Variants in TWSG1 observed in about 807,000 individuals in gnomAD.
TWSG1 encodes twisted gastrulation protein homolog 1.
In TWSG1, 15 loss-of-function variants were observed where a neutral mutation model predicts 23.0. That is an observed-to-expected ratio of 0.65 (90% CI 0.44 to 1.00). The LOEUF (loss-of-function observed/expected upper bound fraction) is 1.00, where lower values mean the gene tolerates loss of function less well. TWSG1 is among the 50% of genes least tolerant of loss of function. The probability of loss-of-function intolerance (pLI) is 0.00; values close to 1 mark genes in which losing one functional copy is unlikely to be tolerated. For missense variants in TWSG1, 242 were observed against 278.7 expected, an observed-to-expected ratio of 0.87 and a Z score of 0.94; for synonymous variants, 86 against 92.8, an observed-to-expected ratio of 0.93 and a Z score of 0.42.
chr18:9,369,786 C>G (rs1271098110), intron 3 of TWSG1, among the ~76,000 whole-genome samples: 1 of 152,210 alleles, frequency 6.6e-6, no homozygotes, highest in Non-Finnish European at 1.5e-5. Context: ...CCACCTCAGC[C>G]TCCCAAAGCA....
intron 3 of TWSG1, among the ~76,000 whole-genome samples, chr18:9,383,183 G>GTTTTTTTTTTTTTTTTTTTTTTTTTTTTT (rs1403740714): frequency 1.3e-5 from 1 of 75,338 alleles, no homozygotes; most frequent in African/African-American, 5.2e-5. Context: ...CGAATTACAC[G>GTTTTTTTTTTTTTTTTTTTTTTTTTTTTT]TTTTTTTTTT....
intron 3 of TWSG1, among the ~76,000 whole-genome samples, chr18:9,381,508 A>G (rs984223932): frequency 9.2e-5 from 14 of 152,254 alleles, no homozygotes; most frequent in African/African-American, 3.1e-4. Flanking sequence ...ATAATTTTGC[A>G]TATCTAGGTA....
rs533129836 is a variant in TWSG1 at position 9,386,548 on chromosome 18, A to G, written c.224-9732A>G. On this transcript the variant is annotated intron_variant, in intron 3 of 4. Transcript: ENST00000262120. Reference sequence around the variant, plus strand: ...ATAGTGAAAACAGGCAGATAATATAACAGGGAAAGAATAGGCACTCCAGAA... The same window carrying G: ...ATAGTGAAAACAGGCAGATAATATAGCAGGGAAAGAATAGGCACTCCAGAA... Among the ~76,000 whole-genome samples the G allele has an allele frequency of 2.0e-5, 3 of 152,118 alleles. No individual in the cohort carries two copies. In the South Asian group the frequency reaches 6.2e-4, roughly 32 times the overall value.
At chr18:9,351,640 G>A (rs918514097) in intron 2 of TWSG1, among the ~76,000 whole-genome samples, 2 of 62,208 alleles carry the variant, frequency 3.2e-5, no homozygotes, top group African/African-American at 1.2e-4. Flanking sequence ...TTTTTTTTTT[G>A]TCTTTTTGTT....
intron 3 of TWSG1, among the ~76,000 whole-genome samples, chr18:9,377,237 G>A (rs1051615143): frequency 2.6e-5 from 4 of 151,520 alleles, no homozygotes; most frequent in African/African-American, 9.7e-5. Context: ...TTTTTTTGGG[G>A]GGACAGAGTC....
chr18:9,399,304 T>G lies in TWSG1; in HGVS notation c.491-42T>G, dbSNP rs748874142. 5.5e-6 allele frequency: 8 copies of G among 1,464,706 alleles called. No individual in the cohort carries two copies. The African/African-American group carries it at 8.6e-5, about 16-fold the overall frequency. 90.7% of individuals were successfully genotyped at this position (1,464,706 alleles called of 1,614,324 possible). A position where few individuals can be genotyped will look rare whatever the true frequency, so the allele number is the denominator to read the frequency against. On this transcript the variant is annotated intron_variant, in intron 4 of 4. Coordinates refer to ENST00000262120, the MANE Select transcript of TWSG1 (RefSeq NM_020648.6). Reference sequence around the variant, plus strand: ...AATAAAGCATTTTATTTTTTTGTTTTTCTTCTTTCTTGCCCTGAAATCTTA... The same window carrying G: ...AATAAAGCATTTTATTTTTTTGTTTGTCTTCTTTCTTGCCCTGAAATCTTA...
chr18:9,363,229 G>A (rs1476670477), intron 3 of TWSG1, among the ~76,000 whole-genome samples: 1 of 152,144 alleles, frequency 6.6e-6, no homozygotes, highest in Admixed American at 6.5e-5. Flanking sequence ...CTTAAGGTAA[G>A]AGTAACCACC....
chr18:9,363,534 G>A (rs2040562711), intron 3 of TWSG1, among the ~76,000 whole-genome samples: 1 of 152,176 alleles, frequency 6.6e-6, no homozygotes, highest in Admixed American at 6.5e-5. Context: ...TATCCGTGAA[G>A]TCCTTTAGTT....
chr18:9,374,475 A>C (rs564953443), intron 3 of TWSG1, among the ~76,000 whole-genome samples: 14 of 152,232 alleles, frequency 9.2e-5, no homozygotes, highest in Admixed American at 2.0e-4. Flanking sequence ...CAAAACTCAC[A>C]CAAGAAGAAA....
intron 4 of TWSG1, 153 bp downstream of exon 4, chr18:9,396,699 C>A: frequency 1.1e-6 from 1 of 932,212 alleles, no homozygotes; most frequent in South Asian, 1.8e-5. Flanking sequence ...AACCCTGATC[C>A]CATCATATCT....
At chr18:9,383,953 A>T (rs2145627013) in intron 3 of TWSG1, among the ~76,000 whole-genome samples, 1 of 152,320 alleles carries the variant, frequency 6.6e-6, no homozygotes, top group Non-Finnish European at 1.5e-5. Flanking sequence ...AGCCAAAAGG[A>T]GGGAAAAGGA....
intron 3 of TWSG1, among the ~76,000 whole-genome samples, chr18:9,385,325 A>AT (rs1598833402): frequency 6.6e-6 from 1 of 152,234 alleles, no homozygotes; most frequent in African/African-American, 2.4e-5. Flanking sequence ...TCATTCAGGC[A>AT]TTGTAGGGAG....
chr18:9,351,622 G>GTTTTTTTTTTTTTTTTTTTTTTTTTTT (rs71168051), intron 2 of TWSG1, among the ~76,000 whole-genome samples: 1 of 116,608 alleles, frequency 8.6e-6, no homozygotes, highest in Non-Finnish European at 1.8e-5. Flanking sequence ...ACCATGCTGG[G>GTTTTTTTTTTTTTTTTTTTTTTTTTTT]TTTTTTTTTT....
chr18:9,391,968 C>T (rs2040714969), intron 3 of TWSG1, among the ~76,000 whole-genome samples: 1 of 152,182 alleles, frequency 6.6e-6, no homozygotes, highest in South Asian at 2.1e-4. Flanking sequence ...TTTAGTAAAC[C>T]ATGCTATAAA....
At chr18:9,369,070 T>C (rs2040592615) in intron 3 of TWSG1, among the ~76,000 whole-genome samples, 1 of 149,326 alleles carries the variant, frequency 6.7e-6, no homozygotes, top group African/African-American at 2.5e-5. Context: ...GATAGTGCCA[T>C]TGCACTCCAG....
At chr18:9,348,941 A>T (rs1033278695) in intron 2 of TWSG1, among the ~76,000 whole-genome samples, 6 of 152,246 alleles carry the variant, frequency 3.9e-5, no homozygotes, top group Non-Finnish European at 8.8e-5. Flanking sequence ...TTATGTAAAT[A>T]TTTTTTACCA....
At chr18:9,343,797 C>CATTGGTTTTTATCCATTTTATTT (rs1485852172) in intron 2 of TWSG1, among the ~76,000 whole-genome samples, 19 of 152,104 alleles carry the variant, frequency 1.2e-4, no homozygotes, top group Non-Finnish European at 2.6e-4. Context: ...TTTATTTATC[C>CATTGGTTTTTATCCATTTTATTT]ATTTATTGGT....
At chr18:9,368,343 G>T (rs1366185157) in intron 3 of TWSG1, among the ~76,000 whole-genome samples, 1 of 152,138 alleles carries the variant, frequency 6.6e-6, no homozygotes, top group Non-Finnish European at 1.5e-5. Flanking sequence ...TGAGATTACA[G>T]GTGCCTGCCA....
chr18:9,363,792 C>A (rs8096911), intron 3 of TWSG1, among the ~76,000 whole-genome samples: 105,732 of 151,660 alleles, frequency 0.7, 37,036 homozygotes, highest in Middle Eastern at 0.76. Flanking sequence ...TATCTAGATA[C>A]TTTTTTGTAT....
Sources: gnomAD v4.1 joint callset for allele counts (sites outside exome capture counted in the v4.1 genomes callset) on GRCh38, gnomAD v4.1.1 for gene constraint, MANE v1.5 for transcripts, NCBI Gene and HGNC (gene_info 2026-07-23, HGNC 2026-07-21) for gene names.